The following GRIK2 variants were observed in gnomAD, a reference collection of about 807,000 sequenced individuals.
The protein encoded by GRIK2 is glutamate receptor ionotropic, kainate 2.
GRIK2 carries 32 observed loss-of-function variants against 100.3 expected under a neutral mutation model. The observed-to-expected ratio is 0.32, with a 90% confidence interval of 0.24 to 0.43. The LOEUF (loss-of-function observed/expected upper bound fraction) is 0.43, where lower values mean the gene tolerates loss of function less well. Ranked by LOEUF, GRIK2 falls within the 20% of genes least tolerant of loss-of-function variation. The probability of loss-of-function intolerance (pLI) is 1.00; values close to 1 mark genes in which losing one functional copy is unlikely to be tolerated. For missense variants in GRIK2, 843 were observed against 1,114.9 expected (o/e 0.76, Z 3.47); for synonymous variants, 417 against 389.4 (o/e 1.07, Z -0.83).
chr6:101,473,913 G>T (rs1416016922), intron 2 of GRIK2, among the ~76,000 whole-genome samples: 1 of 151,796 alleles, frequency 6.6e-6, no homozygotes, highest in East Asian at 1.9e-4. Flanking sequence ...GTAAAATTTT[G>T]TGGGAATATT....
At chr6:101,593,136 T>A (rs1778754064) in intron 2 of GRIK2, among the ~76,000 whole-genome samples, 1 of 151,860 alleles carries the variant, frequency 6.6e-6, no homozygotes, top group Non-Finnish European at 1.5e-5. Flanking sequence ...ATGATTGTGA[T>A]CTAAGTAAGA....
intron 2 of GRIK2, among the ~76,000 whole-genome samples, chr6:101,612,402 G>A (rs914971873): frequency 3.3e-5 from 5 of 151,810 alleles, no homozygotes; most frequent in African/African-American, 1.2e-4. Context: ...ACTTTTTGAT[G>A]ACTTTTTATT....
intron 9 of GRIK2, among the ~76,000 whole-genome samples, chr6:101,810,216 T>C (rs1411770199): frequency 6.6e-6 from 1 of 152,002 alleles, no homozygotes; most frequent in Non-Finnish European, 1.5e-5. Flanking sequence ...CGTATTTTCA[T>C]ATTTGGGAAC....
chr6:101,865,931 A>T (rs908353684), intron 11 of GRIK2, among the ~76,000 whole-genome samples: 1 of 151,812 alleles, frequency 6.6e-6, no homozygotes, highest in African/African-American at 2.4e-5. Context: ...CAAATAATAA[A>T]AAAAAATTAC....
intron 5 of GRIK2, among the ~76,000 whole-genome samples, chr6:101,679,482 C>T (rs549865868): frequency 5.6e-4 from 85 of 152,062 alleles, no homozygotes; most frequent in African/African-American, 2.0e-3. Context: ...TATGTTGAGG[C>T]AATTATTATA....
intron 14 of GRIK2, among the ~76,000 whole-genome samples, chr6:102,026,329 G>A (rs749834584): frequency 8.6e-5 from 13 of 150,402 alleles, no homozygotes; most frequent in South Asian, 2.1e-4. Context: ...ATACTTCCAC[G>A]ATATTGTTAA....
intron 14 of GRIK2, among the ~76,000 whole-genome samples, chr6:102,012,505 T>C (rs1363809351): frequency 6.6e-6 from 1 of 152,200 alleles, no homozygotes; most frequent in African/African-American, 2.4e-5. Context: ...TTTATTTGAT[T>C]CTTTTTTTTG....
intron 6 of GRIK2, among the ~76,000 whole-genome samples, chr6:101,685,878 T>A (rs186474174): frequency 6.6e-6 from 1 of 152,028 alleles, no homozygotes; most frequent in Admixed American, 6.6e-5. Context: ...GGGCAAGCTA[T>A]CCTAAACAGA....
At chr6:101,722,722 T>C (rs1774569834) in intron 7 of GRIK2, among the ~76,000 whole-genome samples, 1 of 152,020 alleles carries the variant, frequency 6.6e-6, no homozygotes, top group African/African-American at 2.4e-5. Context: ...ACCAAAGGAA[T>C]AAAATATTAT....
At chr6:101,397,749 G>A (rs1775069841) in intron 1 of GRIK2, among the ~76,000 whole-genome samples, 2 of 152,024 alleles carry the variant, frequency 1.3e-5, no homozygotes, top group Non-Finnish European at 2.9e-5. Flanking sequence ...TTAGCCTTCA[G>A]ATAGGATATT....
intron 7 of GRIK2, among the ~76,000 whole-genome samples, chr6:101,739,514 A>G (rs1368266475): frequency 6.6e-6 from 1 of 152,176 alleles, no homozygotes; most frequent in Non-Finnish European, 1.5e-5. Context: ...ACCCTGGGCA[A>G]AGTACTTCAC....
chr6:101,624,278 T>C (rs2128317748), intron 3 of GRIK2, among the ~76,000 whole-genome samples: 1 of 152,276 alleles, frequency 6.6e-6, no homozygotes, highest in South Asian at 2.1e-4. Flanking sequence ...GTTTGTGATT[T>C]GTCACAAACC....
chr6:101,704,424 A>T (rs959259328), intron 7 of GRIK2, among the ~76,000 whole-genome samples: 1 of 151,678 alleles, frequency 6.6e-6, no homozygotes, highest in African/African-American at 2.4e-5. Flanking sequence ...TTAAAATTAA[A>T]AGATGCATGC....
chr6:102,020,013 A>G (rs2114358834), intron 14 of GRIK2, among the ~76,000 whole-genome samples: 1 of 152,108 alleles, frequency 6.6e-6, no homozygotes, highest in African/African-American at 2.4e-5. Flanking sequence ...TTTCTGCTAT[A>G]TAAATAAAGA....
intron 14 of GRIK2, among the ~76,000 whole-genome samples, chr6:101,945,610 A>G (rs1261742393): frequency 6.6e-6 from 1 of 152,178 alleles, no homozygotes; most frequent in African/African-American, 2.4e-5. Context: ...TTAATCAGTA[A>G]GCCATTTAGT....
intron 11 of GRIK2, among the ~76,000 whole-genome samples, chr6:101,885,640 C>T (rs891379895): frequency 1.3e-5 from 2 of 151,958 alleles, no homozygotes; most frequent in Non-Finnish European, 2.9e-5. Context: ...TTTTTCTTTC[C>T]CCTTCCACCT....
At chr6:101,610,328 T>A (rs1174478081) in intron 2 of GRIK2, among the ~76,000 whole-genome samples, 2 of 151,782 alleles carry the variant, frequency 1.3e-5, no homozygotes, top group Non-Finnish European at 2.9e-5. Flanking sequence ...TTTGCATTTT[T>A]ATAAAATATT....
At chr6:102,015,400 CTG>C (rs763456858) in intron 14 of GRIK2, among the ~76,000 whole-genome samples, 3 of 152,150 alleles carry the variant, frequency 2.0e-5, no homozygotes, top group Non-Finnish European at 4.4e-5. Context: ...ACTTGCCACT[CTG>C]TGCCTTTTAA....
intron 2 of GRIK2, among the ~76,000 whole-genome samples, chr6:101,508,546 T>G (rs1229693065): frequency 2.0e-5 from 3 of 152,148 alleles, no homozygotes; most frequent in African/African-American, 7.2e-5. Context: ...TTTCATAAGC[T>G]TATATATTAT....
Sources: allele counts gnomAD v4.1 joint callset (sites outside exome capture counted in the v4.1 genomes callset), GRCh38; gene constraint gnomAD v4.1.1; transcripts MANE v1.5; gene names NCBI Gene and HGNC (gene_info 2026-07-23, HGNC 2026-07-21).